SLIT3: variants seen among roughly 807,000 people sequenced by gnomAD.
The protein encoded by SLIT3 is slit guidance ligand 3.
Under a neutral mutation model 184.0 loss-of-function variants are expected in SLIT3, and 68 were observed. That is an observed-to-expected ratio of 0.37 (90% CI 0.30 to 0.45). The LOEUF is 0.45. SLIT3 is among the 20% of genes least tolerant of loss of function. The pLI, the probability that SLIT3 is intolerant of heterozygous loss-of-function variation, is 1.00. For synonymous variants in SLIT3, 831 were observed against 828.6 expected, an observed-to-expected ratio of 1.00 and a Z score of -0.05; for missense variants, 1,707 against 2,026.0, an observed-to-expected ratio of 0.84 and a Z score of 3.02.
intron 29 of SLIT3, among the ~76,000 whole-genome samples, chr5:168,690,768 T>C (rs1240938109): frequency 1.3e-5 from 2 of 148,336 alleles, no homozygotes; most frequent in Non-Finnish European, 3.0e-5. Context: ...GGTAGACACA[T>C]GGAAGGGCTG....
chr5:168,844,678 A>G (rs1758393406), intron 5 of SLIT3, 23 bp from the exon 6 acceptor site: 44 of 1,613,206 alleles, frequency 2.7e-5, no homozygotes, highest in Non-Finnish European at 3.7e-5. Context: ...AGGGGAGAGC[A>G]TGAAGGCTGA....
At chr5:169,021,169 G>A (rs2113490014) in intron 4 of SLIT3, among the ~76,000 whole-genome samples, 1 of 152,234 alleles carries the variant, frequency 6.6e-6, no homozygotes, top group Non-Finnish European at 1.5e-5. Flanking sequence ...TGGAATGTCA[G>A]CACCAGACTG....
At chr5:168,971,356 C>A (rs181141614) in intron 4 of SLIT3, among the ~76,000 whole-genome samples, 3 of 152,206 alleles carry the variant, frequency 2.0e-5, no homozygotes, top group Non-Finnish European at 2.9e-5. Flanking sequence ...ACAACATGGC[C>A]AGGTGGTGGG....
chr5:168,997,690 T>G (rs891118477), intron 4 of SLIT3, among the ~76,000 whole-genome samples: 4 of 152,106 alleles, frequency 2.6e-5, no homozygotes, highest in Admixed American at 6.5e-5. Flanking sequence ...CCGGTCACCA[T>G]GCAAACTCCT....
At chr5:168,849,039 A>G (rs1758582266) in intron 5 of SLIT3, among the ~76,000 whole-genome samples, 1 of 152,254 alleles carries the variant, frequency 6.6e-6, no homozygotes, top group South Asian at 2.1e-4. Context: ...GAAGAAAGAG[A>G]TAAAGAAAGA....
In SLIT3 at chr5:168,669,977, T is replaced by A; in HGVS notation, c.4142A>T (p.Lys1381Ile). The A allele has an allele frequency of 6.2e-7, 1 of 1,613,998 alleles. No individual in the cohort carries two copies. The highest frequency in any genetic ancestry group is 1.1e-5 in the South Asian group (1 of 91,068). Residue 1381 changes from lysine (K) to isoleucine (I), a missense_variant, in exon 35 of 36, where the codon AAA (lysine) becomes ATA (isoleucine). Physicochemically the swap from Lys to Ile is moderately radical, Grantham distance 102 (BLOSUM62 -3). This residue lies in a region of SLIT3 where 387 missense variants were observed against 477.9 expected (regional missense o/e 0.81). Transcript: ENST00000519560. ...GTATGAGGTCCCAGTTGCCACACAT[T>A]TTCCATGGTGGCATCTAGGGGCAGA... Reference protein sequence around the residue: ...PCLGHRCHHGKCVATGTSYMC... With the variant: ...PCLGHRCHHGICVATGTSYMC...
chr5:169,100,689 C>T (rs976783228), intron 4 of SLIT3, among the ~76,000 whole-genome samples: 5 of 152,146 alleles, frequency 3.3e-5, no homozygotes, highest in African/African-American at 9.7e-5. Context: ...ATACTAAGTC[C>T]GTGGTGGTGG....
chr5:169,096,702 T>G (rs902423894), intron 4 of SLIT3, among the ~76,000 whole-genome samples: 2 of 152,206 alleles, frequency 1.3e-5, no homozygotes, highest in Admixed American at 6.5e-5. Context: ...CTGATATATA[T>G]TGAGCCAGTG....
intron 1 of SLIT3, among the ~76,000 whole-genome samples, chr5:169,275,680 C>A (rs901812026): frequency 1.3e-5 from 2 of 152,110 alleles, no homozygotes; most frequent in African/African-American, 4.8e-5. Context: ...CCCTGATAAA[C>A]CCAGATCTCA....
intron 4 of SLIT3, among the ~76,000 whole-genome samples, chr5:169,115,902 G>T (rs534009683): frequency 7.2e-5 from 11 of 152,176 alleles, no homozygotes; most frequent in Non-Finnish European, 1.3e-4. Context: ...GGGCCACCCA[G>T]CATATCAGGC....
chr5:168,700,900 A>G (rs988233561), intron 26 of SLIT3, among the ~76,000 whole-genome samples: 2 of 152,216 alleles, frequency 1.3e-5, no homozygotes, highest in African/African-American at 2.4e-5. Flanking sequence ...AGAAGCCAGG[A>G]GTTCAGGTTC....
chr5:169,059,266 C>G (rs539020898), intron 4 of SLIT3, among the ~76,000 whole-genome samples: 38 of 152,236 alleles, frequency 2.5e-4, no homozygotes, highest in African/African-American at 9.1e-4. Flanking sequence ...AAGGCACTGT[C>G]CCCCCTCTAG....
intron 4 of SLIT3, among the ~76,000 whole-genome samples, chr5:169,015,103 C>CAA (rs60081779): frequency 0.16 from 23,632 of 145,394 alleles, 2,264 homozygotes; most frequent in East Asian, 0.53. Context: ...ACTAACTGGA[C>CAA]AAAAAAAAAA....
intron 3 of SLIT3, among the ~76,000 whole-genome samples, chr5:169,205,461 A>G (rs1764037163): frequency 6.6e-6 from 1 of 152,182 alleles, no homozygotes; most frequent in South Asian, 2.1e-4. Flanking sequence ...GCATAATGAT[A>G]CCTACTAGGA....
chr5:168,954,759 A>G (rs1467401975), intron 4 of SLIT3, among the ~76,000 whole-genome samples: 2 of 152,192 alleles, frequency 1.3e-5, no homozygotes, highest in East Asian at 3.9e-4. Context: ...CTGGCAGGAA[A>G]GCAATTGTTT....
chr5:169,182,769 T>A (rs1349031321), intron 4 of SLIT3, among the ~76,000 whole-genome samples: 2 of 152,228 alleles, frequency 1.3e-5, no homozygotes, highest in Admixed American at 1.3e-4. Flanking sequence ...ATGCAGTATT[T>A]CCCTAATATT....
At chr5:168,794,385 T>C (rs1561936635) in intron 10 of SLIT3, among the ~76,000 whole-genome samples, 2 of 152,074 alleles carry the variant, frequency 1.3e-5, no homozygotes, top group South Asian at 2.1e-4. Context: ...TGTTTCTGAA[T>C]CCTACTGTCC....
intron 4 of SLIT3, among the ~76,000 whole-genome samples, chr5:169,061,742 G>A (rs1425940362): frequency 6.6e-6 from 1 of 152,112 alleles, no homozygotes; most frequent in African/African-American, 2.4e-5. Context: ...AGCATCGCTG[G>A]GATGCTTCCA....
At chr5:169,006,620 C>T (rs1427597242) in intron 4 of SLIT3, among the ~76,000 whole-genome samples, 1 of 150,204 alleles carries the variant, frequency 6.7e-6, no homozygotes, top group Non-Finnish European at 1.5e-5. Context: ...CACACACACA[C>T]ACACACACAC....
Sources: gnomAD v4.1 joint callset for allele counts (sites outside exome capture counted in the v4.1 genomes callset) on GRCh38, gnomAD v4.1.1 for gene constraint, gnomAD v4.1.1 regional missense constraint, MANE v1.5 for transcripts, NCBI Gene and HGNC (gene_info 2026-07-23, HGNC 2026-07-21) for gene names.